BACH1: variants seen among roughly 807,000 people sequenced by gnomAD.
BACH1 encodes the protein transcription regulator protein BACH1.
In BACH1, 35 loss-of-function variants were observed where a neutral mutation model predicts 52.9. That is an observed-to-expected ratio of 0.66 (90% CI 0.51 to 0.88). The LOEUF is 0.88. Ranked by LOEUF, BACH1 falls within the 40% of genes least tolerant of loss-of-function variation. The pLI is 0.00. For synonymous variants in BACH1, 321 were observed against 319.6 expected (o/e 1.00, Z -0.05); for missense variants, 808 against 872.6 (o/e 0.93, Z 0.93).
chr21:29,334,254 T>C, intron 4 of BACH1, among the ~76,000 whole-genome samples: 1 of 151,924 alleles, frequency 6.6e-6, no homozygotes, highest in Middle Eastern at 3.4e-3. Flanking sequence ...CTGGCCACCA[T>C]GCCTGGGTAA....
chr21:29,341,157 C>A (rs931115918), intron 4 of BACH1, among the ~76,000 whole-genome samples: 2 of 151,942 alleles, frequency 1.3e-5, no homozygotes, highest in African/African-American at 4.8e-5. Context: ...TTGTATAAAA[C>A]CATAACAATA....
Position 29,344,412 on chromosome 21 carries a change from C to T in BACH1, c.*1579C>T, listed in dbSNP as rs1030693616. On this transcript the variant is annotated 3_prime_UTR_variant, in exon 5 of 5. Coordinates refer to ENST00000286800, the MANE Select transcript of BACH1 (RefSeq NM_001186.4). ...TTGAGAGTATATGGGGACCAGTCTT[C>T]ATGTCTTGGAGTAATTTGTCAAATG... is the stretch of plus-strand genomic sequence containing the variant. The T allele has an allele frequency of 5.2e-5, 8 of 152,624 alleles. No individual in the cohort carries two copies. Among genetic ancestry groups the T allele is most frequent in the Non-Finnish European group, 8.8e-5 (6 of 68,060 alleles). 9.5% of individuals were successfully genotyped at this position (152,624 alleles called of 1,614,324 possible). A position where few individuals can be genotyped will look rare whatever the true frequency, so the allele number is the denominator to read the frequency against.
intron 1 of BACH1, among the ~76,000 whole-genome samples, chr21:29,320,125 T>C (rs2088831414): frequency 6.6e-6 from 1 of 152,176 alleles, no homozygotes; most frequent in Admixed American, 6.5e-5. Context: ...TTGGAGTGTG[T>C]AGCAAATCTG....
rs374802824 is a variant in BACH1, at chr21:29,326,626, C to G, written c.802C>G (p.Pro268Ala). Residue 268 changes from proline (P) to alanine (A), a missense_variant, in exon 3 of 5, where the codon CCG becomes GCG. Pro to Ala is a conservative substitution (Grantham distance 27, BLOSUM62 -1). Transcript: ENST00000286800. ...RSENECLGGV[P>A]ECRDLQVMLK... ...TGAAAATGAATGCCTGGGAGGAGTC[C>G]CGGAGTGTAGAGATTTGCAGGTGAT... 4 of 1,614,032 alleles carry G rather than the reference C, an allele frequency of 2.5e-6. No individual in the cohort carries two copies. The highest frequency in any genetic ancestry group is 2.2e-5 in the South Asian group (2 of 91,076).
chr21:29,332,700 G>T (rs960000597), intron 4 of BACH1, among the ~76,000 whole-genome samples: 2 of 152,154 alleles, frequency 1.3e-5, no homozygotes, highest in Non-Finnish European at 2.9e-5. Flanking sequence ...GGGTGGCTGT[G>T]GCACAATGCC....
At chr21:29,322,383 C>T (rs1437609001) in intron 2 of BACH1, among the ~76,000 whole-genome samples, 2 of 152,200 alleles carry the variant, frequency 1.3e-5, no homozygotes, top group Non-Finnish European at 2.9e-5. Context: ...AGTGTTGCGT[C>T]ATTTTTATAT....
At chr21:29,338,415 C>T (rs1316591706) in intron 4 of BACH1, among the ~76,000 whole-genome samples, 2 of 152,034 alleles carry the variant, frequency 1.3e-5, no homozygotes, top group African/African-American at 4.8e-5. Flanking sequence ...ACTCTGTCAC[C>T]CAGGCTAGAG....
chr21:29,326,610 A>G lies in BACH1; in HGVS notation c.786A>G (p.Glu262=). The G allele has an allele frequency of 6.2e-7, 1 of 1,614,240 alleles. No homozygotes were observed. The highest frequency in any genetic ancestry group is 8.5e-7 in the Non-Finnish European group (1 of 1,180,036). ...AGCCAAATGAAAGGTCTGAAAATGA[A>G]TGCCTGGGAGGAGTCCCGGAGTGTA... The part of the protein sequence containing the change: ...SVQPNERSEN[E]CLGGVPECRD... The change falls in exon 3 of 5, where the codon GAA becomes GAG. Residue 262 remains glutamate, a synonymous_variant. Transcript: ENST00000286800.
chr21:29,356,367 T>A (rs1162139650), intron 2 of BACH1, among the ~76,000 whole-genome samples: 2 of 152,254 alleles, frequency 1.3e-5, no homozygotes, highest in African/African-American at 4.8e-5. Flanking sequence ...CCATATTAAC[T>A]TAGAATTGGT....
intron 1 of BACH1, among the ~76,000 whole-genome samples, chr21:29,310,137 A>C (rs1051766905): frequency 2.0e-5 from 3 of 152,214 alleles, no homozygotes; most frequent in Non-Finnish European, 4.4e-5. Flanking sequence ...ATGTAGTGAC[A>C]AACCAATTAT....
rs376069142 is a variant in BACH1 at position 29,328,743 on chromosome 21, T to G, written c.1570-744T>G. On this transcript the variant is annotated intron_variant, in intron 3 of 4. Transcript: ENST00000286800. Reference sequence around the variant, plus strand: ...GCCCCTGGCAACCACCATTCTACTCTCTGTTTCTGTGAGTTTGACTGTTCT... The same window carrying G: ...GCCCCTGGCAACCACCATTCTACTCGCTGTTTCTGTGAGTTTGACTGTTCT... 1.6e-4 allele frequency among the ~76,000 whole-genome samples: 24 copies of G among 152,318 alleles called. 1 individual carries two copies. The South Asian group carries it at 4.8e-3, about 30-fold the overall frequency.
downstream of BACH1, among the ~76,000 whole-genome samples, chr21:29,350,449 A>G (rs183989194): frequency 2.7e-4 from 41 of 152,346 alleles, no homozygotes; most frequent in African/African-American, 9.1e-4. Context: ...GTGAGAGCCT[A>G]GTGCAAACTC....
chr21:29,321,404 G>A lies in BACH1; in HGVS notation c.124G>A (p.Gly42Arg), dbSNP rs2088846125. Residue 42 changes from glycine (G) to arginine (R), a missense_variant, in exon 2 of 5, where the codon GGA becomes AGA. Physicochemically the swap from Gly to Arg is moderately radical, Grantham distance 125. Coordinates refer to ENST00000286800, the MANE Select transcript of BACH1 (RefSeq NM_001186.4). ...VLCDVTIFVE[G>R]QRFRAHRSVL... ...GTGCGATGTCACCATCTTTGTGGAGGGACAGCGGTTCCGCGCTCACCGGTC... is the reference window on the plus strand; with the variant it reads ...GTGCGATGTCACCATCTTTGTGGAGAGACAGCGGTTCCGCGCTCACCGGTC... 1 of 1,614,162 alleles carries A rather than the reference G, an allele frequency of 6.2e-7. No individual in the cohort carries two copies. The highest frequency in any genetic ancestry group is 1.7e-5 in the Admixed American group (1 of 60,024).
intron 4 of BACH1, among the ~76,000 whole-genome samples, chr21:29,334,893 G>A (rs986915052): frequency 2.6e-5 from 4 of 152,128 alleles, no homozygotes; most frequent in East Asian, 1.9e-4. Context: ...CAACCAAAGC[G>A]CACCCCAGTG....
Position 29,321,267 on chromosome 21 carries a change from A to G in BACH1, c.-14A>G, listed in dbSNP as rs1161781380. On this transcript the variant is annotated 5_prime_UTR_variant, in exon 2 of 5. Transcript: ENST00000286800. ...GCTTTCCACTGAACTTCCCGACAAC[A>G]TTTGTTATGCAGAATGTCTCTGAGT... is the stretch of plus-strand genomic sequence containing the variant. 17 of 1,599,242 alleles carry G rather than the reference A, an allele frequency of 1.1e-5. No individual in the cohort carries two copies. Among genetic ancestry groups the G allele is most frequent in the Non-Finnish European group, 1.4e-5 (16 of 1,166,814 alleles).
intron 2 of BACH1, among the ~76,000 whole-genome samples, chr21:29,324,497 G>A (rs2088886532): frequency 6.6e-6 from 1 of 152,032 alleles, no homozygotes; most frequent in South Asian, 2.1e-4. Flanking sequence ...TCCAGCTTGT[G>A]TGTATCAGCA....
chr21:29,325,783 G>A (rs1350320390), intron 2 of BACH1, among the ~76,000 whole-genome samples: 1 of 152,002 alleles, frequency 6.6e-6, no homozygotes, highest in Non-Finnish European at 1.5e-5. Context: ...TTGTGGTAAT[G>A]TCTTACATCT....
At chr21:29,319,744 T>G (rs1185250697) in intron 1 of BACH1, among the ~76,000 whole-genome samples, 1 of 148,408 alleles carries the variant, frequency 6.7e-6, no homozygotes, top group African/African-American at 2.5e-5. Context: ...AGGGACATAG[T>G]AGGGCAGGTG....
chr21:29,337,156 C>T (rs1305122262), intron 4 of BACH1, among the ~76,000 whole-genome samples: 1 of 152,228 alleles, frequency 6.6e-6, no homozygotes, highest in Non-Finnish European at 1.5e-5. Flanking sequence ...ACATAACCAT[C>T]TAGCACTTGC....
Sources: allele counts gnomAD v4.1 joint callset (sites outside exome capture counted in the v4.1 genomes callset), GRCh38; gene constraint gnomAD v4.1.1; transcripts MANE v1.5; gene names NCBI Gene and HGNC (gene_info 2026-07-23, HGNC 2026-07-21).